Variants in AVL9 observed in about 807,000 individuals in gnomAD.
AVL9 encodes the protein AVL9 cell migration associated.
In AVL9, 49 loss-of-function variants were observed where a neutral mutation model predicts 79.2. That is an observed-to-expected ratio of 0.62 (90% CI 0.49 to 0.79). AVL9 has a LOEUF of 0.79. AVL9 is among the 30% of genes least tolerant of loss of function. The probability of loss-of-function intolerance (pLI) is 0.00; values close to 1 mark genes in which losing one functional copy is unlikely to be tolerated. For synonymous variants in AVL9, 299 were observed against 280.6 expected, an observed-to-expected ratio of 1.07 and a Z score of -0.65; for missense variants, 682 against 776.8, an observed-to-expected ratio of 0.88 and a Z score of 1.45.
intron 3 of AVL9, among the ~76,000 whole-genome samples, chr7:32,545,364 C>CTTTTTTTTTTTTTTTTTTTTTTTT (rs10610945): frequency 1.4e-5 from 1 of 73,352 alleles, no homozygotes; most frequent in African/African-American, 5.5e-5. Context: ...TCTAAGATTT[C>CTTTTTTTTTTTTTTTTTTTTTTTT]TTTTTTTTTT....
chr7:32,551,460 A>G (rs772478670), intron 5 of AVL9, 37 bp downstream of exon 5: 4 of 1,167,068 alleles, frequency 3.4e-6, no homozygotes, highest in Non-Finnish European at 5.1e-6. Flanking sequence ...GTTTGGCTGA[A>G]GATAGACTCA....
At chr7:32,510,268 G>A (rs78782545) in intron 1 of AVL9, among the ~76,000 whole-genome samples, 1 of 145,462 alleles carries the variant, frequency 6.9e-6, no homozygotes, top group Non-Finnish European at 1.5e-5. Flanking sequence ...TGCCCCAGTA[G>A]GAGGAAAGCC....
rs143379954 is a variant in AVL9 at position 32,573,293 on chromosome 7, G to A, written c.1445G>A (p.Arg482Lys). The A allele has an allele frequency of 2.3e-5, 37 of 1,613,732 alleles. No individual in the cohort carries two copies. The highest frequency in any genetic ancestry group is 3.1e-5 in the Non-Finnish European group (36 of 1,179,998). ...CTAAGGTTCGCAGACTACCTAGTGA[G>A]GCACGTGACTGAGAATCGGGATGAC... is the stretch of plus-strand genomic sequence containing the variant. ...ADLRFADYLVRHVTENRDDVF... is the reference protein window; with the variant it reads ...ADLRFADYLVKHVTENRDDVF... The change falls in exon 12 of 16, where the codon AGG (arginine) becomes AAG (lysine). Residue 482 changes from arginine (R) to lysine (K), a missense_variant. Coordinates refer to ENST00000318709, the MANE Select transcript of AVL9 (RefSeq NM_015060.3).
At chr7:32,540,045 G>A (rs946192786) in intron 1 of AVL9, among the ~76,000 whole-genome samples, 3 of 152,178 alleles carry the variant, frequency 2.0e-5, no homozygotes, top group Admixed American at 6.5e-5. Flanking sequence ...AATAGAGTCC[G>A]GGGATTAGGA....
intron 13 of AVL9, among the ~76,000 whole-genome samples, chr7:32,577,716 G>C (rs989398179): frequency 1.3e-5 from 2 of 152,184 alleles, no homozygotes; most frequent in Admixed American, 1.3e-4. Flanking sequence ...GTCCAAAAGA[G>C]ACTTAGCTGA....
At position 32,525,400 on chromosome 7, in the gene AVL9, A is replaced by G. The variant is rs939274743; in HGVS notation, c.94-17741A>G. ...TCCAACAAAGCCAACTTAAGAGCCT[A>G]TATAGTCAATGAATTCTTGCTGCAC... On this transcript the variant is annotated intron_variant, in intron 1 of 15. Transcript: ENST00000318709. 3.9e-5 allele frequency among the ~76,000 whole-genome samples: 6 copies of G among 152,356 alleles called. No homozygotes were observed. In the East Asian group the frequency reaches 1.2e-3, roughly 29 times the overall value.
intron 13 of AVL9, among the ~76,000 whole-genome samples, chr7:32,579,595 T>TA (rs11454970): frequency 0.11 from 1,784 of 16,530 alleles, 763 homozygotes; most frequent in East Asian, 0.22. Flanking sequence ...ATATTATATA[T>TA]TATATATTAT....
chr7:32,574,367 A>G (rs1271409391), intron 12 of AVL9, among the ~76,000 whole-genome samples: 1 of 152,192 alleles, frequency 6.6e-6, no homozygotes, highest in Non-Finnish European at 1.5e-5. Context: ...TGTTAATGAG[A>G]TATTTTTAAA....
chr7:32,584,781 G>C lies in AVL9; in HGVS notation c.*874G>C, dbSNP rs1475536752. On this transcript the variant is annotated 3_prime_UTR_variant, in exon 16 of 16. Transcript: ENST00000318709. Reference sequence around the variant, plus strand: ...CTGTTTCTCTTTTTTTTTTTGGGGGGGGGGGGGGGGCGGGGTCTCACTCTA... The same window carrying C: ...CTGTTTCTCTTTTTTTTTTTGGGGGCGGGGGGGGGGCGGGGTCTCACTCTA... 1.5e-5 allele frequency: 1 copy of C among 64,578 alleles called. No homozygotes were observed. The highest frequency in any genetic ancestry group is 6.5e-5 in the African/African-American group (1 of 15,298). 4.0% of individuals were successfully genotyped at this position (64,578 alleles called of 1,614,324 possible). A position where few individuals can be genotyped will look rare whatever the true frequency, so the allele number is the denominator to read the frequency against.
At chr7:32,510,115 G>C (rs1188035678) in intron 1 of AVL9, among the ~76,000 whole-genome samples, 2 of 150,580 alleles carry the variant, frequency 1.3e-5, no homozygotes, top group East Asian at 2.0e-4. Flanking sequence ...GGTGAGATAG[G>C]TGAGCCATCA....
In AVL9 at chr7:32,495,723, GGA is replaced by G; in HGVS notation, c.18_19del (p.Gly7ArgfsTer26). The G allele has an allele frequency of 7.9e-7, 1 of 1,261,362 alleles. No homozygotes were observed. 78.1% of individuals were successfully genotyped at this position (1,261,362 alleles called of 1,614,324 possible). A position where few individuals can be genotyped will look rare whatever the true frequency, so the allele number is the denominator to read the frequency against. ...CGGCGGCCGCCCATGGAGAAGGCCA[GGA>G]GAGGCGGGGATGGCGTCCCCCGGGG... is the stretch of plus-strand genomic sequence containing the variant. On this transcript the variant is annotated frameshift_variant, in exon 1 of 16. Coordinates refer to ENST00000318709, the MANE Select transcript of AVL9 (RefSeq NM_015060.3). LOFTEE classifies it high-confidence loss of function.
At chr7:32,570,433 A>T (rs562452265) in intron 11 of AVL9, among the ~76,000 whole-genome samples, 2 of 152,312 alleles carry the variant, frequency 1.3e-5, no homozygotes, top group African/African-American at 4.8e-5. Context: ...GTAAACCAGG[A>T]TTCCAACCTG....
chr7:32,504,865 TTTTTA>T (rs1171908946), intron 1 of AVL9, among the ~76,000 whole-genome samples: 1 of 151,218 alleles, frequency 6.6e-6, no homozygotes, highest in Non-Finnish European at 1.5e-5. Context: ...ACACTAAGAT[TTTTTA>T]TTTTATTTTA....
At position 32,559,524 on chromosome 7, in the gene AVL9, T is replaced by G. The variant is rs916696424; in HGVS notation, c.1215+60T>G. 4 of 1,491,220 alleles carry G rather than the reference T, an allele frequency of 2.7e-6. No homozygotes were observed. In the African/African-American group the frequency reaches 5.6e-5, roughly 21 times the overall value. The allele number at this position is 1,491,220 out of a possible 1,614,324, so 92.4% of individuals were successfully genotyped here. ...GAATTTGAAAAATCCTTTCGGAGTT[T>G]AACTTTTGAACTTTTGGTATTCAAC... is the stretch of plus-strand genomic sequence containing the variant. On this transcript the variant is annotated intron_variant, in intron 10 of 15. Coordinates refer to ENST00000318709, the MANE Select transcript of AVL9 (RefSeq NM_015060.3).
At chr7:32,540,201 G>A (rs1015974898) in intron 1 of AVL9, among the ~76,000 whole-genome samples, 1 of 152,138 alleles carries the variant, frequency 6.6e-6, no homozygotes, top group African/African-American at 2.4e-5. Flanking sequence ...TGAATATTTA[G>A]GTTTCCCTTT....
intron 1 of AVL9, among the ~76,000 whole-genome samples, chr7:32,498,994 C>T (rs13247880): frequency 1 from 14,477 of 14,498 alleles, 7,234 homozygotes; most frequent in Middle Eastern, 1. Context: ...TGAAACCCCG[C>T]CTCTACTAAA....
At chr7:32,523,508 CTTTTTTTT>C (rs70992725) in intron 1 of AVL9, among the ~76,000 whole-genome samples, 20 of 79,282 alleles carry the variant, frequency 2.5e-4, no homozygotes, top group Non-Finnish European at 2.6e-4. Flanking sequence ...TATAAATTTC[CTTTTTTTT>C]TTTTTTTTTT....
rs781072954 is a variant in AVL9 at position 32,570,030 on chromosome 7, G to A, written c.1226G>A (p.Cys409Tyr). The A allele has an allele frequency of 6.2e-7, 1 of 1,614,160 alleles. No homozygotes were observed. The highest frequency in any genetic ancestry group is 8.5e-7 in the Non-Finnish European group (1 of 1,180,030). Residue 409 changes from cysteine (C) to tyrosine (Y), a missense_variant, in exon 11 of 16, where the codon TGT becomes TAT. Cys to Tyr is a radical substitution (Grantham distance 194, BLOSUM62 -2). Coordinates refer to ENST00000318709, the MANE Select transcript of AVL9 (RefSeq NM_015060.3). ...PLAIFTKGYL[C>Y]LPYMALQQHH... ...TCTTCTAATTCATAGGGATATCTGT[G>A]TTTGCCTTACATGGCATTGCAGCAG...
At chr7:32,581,543 G>T (rs2128157574) in intron 15 of AVL9, 1 of 152,306 alleles carries the variant, frequency 6.6e-6, no homozygotes, top group African/African-American at 2.4e-5. Context: ...ATCTATTAAA[G>T]AAATTGGGCC....
Sources: gnomAD v4.1 joint callset for allele counts (sites outside exome capture counted in the v4.1 genomes callset) on GRCh38, gnomAD v4.1.1 for gene constraint, MANE v1.5 for transcripts, NCBI Gene and HGNC (gene_info 2026-07-23, HGNC 2026-07-21) for gene names.